Variants in ARHGEF26 observed in about 807,000 individuals in gnomAD.
ARHGEF26 encodes Rho guanine nucleotide exchange factor (GEF) 26.
ARHGEF26 carries 59 observed loss-of-function variants against 89.4 expected under a neutral mutation model. That is an observed-to-expected ratio of 0.66 (90% CI 0.54 to 0.82). ARHGEF26 has a LOEUF of 0.82. Ranked by LOEUF, ARHGEF26 falls within the 40% of genes least tolerant of loss-of-function variation. The pLI is 0.00. For missense variants in ARHGEF26, 1,234 were observed against 1,085.6 expected (o/e 1.14, Z -1.92); for synonymous variants, 500 against 428.4 (o/e 1.17, Z -2.06).
chr3:154,200,986 G>A (rs1714590355), intron 9 of ARHGEF26, among the ~76,000 whole-genome samples: 1 of 141,618 alleles, frequency 7.1e-6, no homozygotes, highest in Non-Finnish European at 1.5e-5. Flanking sequence ...TTTTTATTTT[G>A]TGGAGATCAA....
intron 3 of ARHGEF26, among the ~76,000 whole-genome samples, chr3:154,129,345 G>C (rs948159236): frequency 6.6e-6 from 1 of 152,202 alleles, no homozygotes; most frequent in Non-Finnish European, 1.5e-5. Flanking sequence ...AACTGCTTCT[G>C]TTGGCATTCT....
intron 6 of ARHGEF26, among the ~76,000 whole-genome samples, chr3:154,167,081 T>C (rs1358276653): frequency 6.6e-6 from 1 of 152,238 alleles, no homozygotes; most frequent in Non-Finnish European, 1.5e-5. Context: ...GTTTTCTTTA[T>C]GTAGTTTCTT....
At chr3:154,150,211 A>T (rs1042828198) in intron 5 of ARHGEF26, among the ~76,000 whole-genome samples, 2 of 149,300 alleles carry the variant, frequency 1.3e-5, no homozygotes, top group Non-Finnish European at 1.5e-5. Context: ...TTTCAAGTTT[A>T]AAAAAAATAA....
At position 154,122,249 on chromosome 3, in the gene ARHGEF26, C is replaced by T. The variant is rs760331148; in HGVS notation, c.257C>T (p.Ala86Val). The change falls in exon 2 of 15, where the codon GCC becomes GTC. Residue 86 changes from alanine to valine, a missense_variant. Ala to Val is a moderately conservative substitution (Grantham distance 64, BLOSUM62 0). Transcript: ENST00000465093. ...TVHRSPLLLG[A>V]QRRAVANGGT... ...CATAGGAGCCCCCTGCTTCTGGGCGCCCAGCGGAGAGCGGTGGCCAATGGT... is the reference window on the plus strand; with the variant it reads ...CATAGGAGCCCCCTGCTTCTGGGCGTCCAGCGGAGAGCGGTGGCCAATGGT... 6.2e-7 allele frequency: 1 copy of T among 1,611,528 alleles called. No homozygotes were observed. The highest frequency in any genetic ancestry group is 8.5e-7 in the Non-Finnish European group (1 of 1,179,296).
intron 1 of ARHGEF26, 71 bp from the exon 2 acceptor site, chr3:154,121,871 G>C: frequency 7.3e-7 from 1 of 1,363,314 alleles, no homozygotes; most frequent in Non-Finnish European, 9.8e-7. Flanking sequence ...CCGCCGGTCT[G>C]GGAGCACGCG....
intron 11 of ARHGEF26, among the ~76,000 whole-genome samples, chr3:154,231,250 T>C (rs887816256): frequency 6.6e-6 from 1 of 152,200 alleles, no homozygotes; most frequent in Non-Finnish European, 1.5e-5. Context: ...TCCGCTGTCA[T>C]TTGCAGCCTT....
intron 4 of ARHGEF26, among the ~76,000 whole-genome samples, chr3:154,135,155 T>C (rs185339158): frequency 0.011 from 1,627 of 152,288 alleles, 29 homozygotes; most frequent in Non-Finnish European, 0.011. Flanking sequence ...GTAGGAATGG[T>C]ACCAGTTCTT....
intron 11 of ARHGEF26, among the ~76,000 whole-genome samples, chr3:154,231,725 G>A (rs1295214290): frequency 6.6e-6 from 1 of 152,136 alleles, no homozygotes; most frequent in Non-Finnish European, 1.5e-5. Flanking sequence ...TCTAGGACCA[G>A]ACATGAATTT....
intron 3 of ARHGEF26, among the ~76,000 whole-genome samples, chr3:154,127,642 A>G (rs574271603): frequency 1.9e-4 from 29 of 151,856 alleles, no homozygotes; most frequent in African/African-American, 6.8e-4. Flanking sequence ...GCACTCTAAA[A>G]TAATGATAAA....
intron 12 of ARHGEF26, among the ~76,000 whole-genome samples, chr3:154,248,667 GA>G (rs1405057297): frequency 3.3e-5 from 5 of 152,206 alleles, no homozygotes; most frequent in Admixed American, 1.3e-4. Flanking sequence ...CAGGTTAACT[GA>G]AGGACTCTGG....
chr3:154,156,332 ATC>A (rs1720337037), intron 6 of ARHGEF26, among the ~76,000 whole-genome samples: 1 of 152,082 alleles, frequency 6.6e-6, no homozygotes, highest in Non-Finnish European at 1.5e-5. Flanking sequence ...TAAAAATTTT[ATC>A]TCTGTCATAG....
At chr3:154,221,444 A>C (rs1250630375) in intron 10 of ARHGEF26, among the ~76,000 whole-genome samples, 3 of 152,232 alleles carry the variant, frequency 2.0e-5, no homozygotes, top group Non-Finnish European at 4.4e-5. Flanking sequence ...TACAAATGCA[A>C]GTTACTACAA....
At position 154,256,081 on chromosome 3, in the gene ARHGEF26, A is replaced by G; in HGVS notation, c.*608A>G. The stretch of plus-strand genomic sequence containing the variant: ...GTCACCTTTTTCCTCATTAGAAGGA[A>G]AGTAGAAAGCCTTACTTTAGGATTT... On this transcript the variant is annotated 3_prime_UTR_variant, in exon 15 of 15. Coordinates refer to ENST00000465093, the MANE Select transcript of ARHGEF26 (RefSeq NM_015595.4). 1 of 985,574 alleles carries G rather than the reference A, an allele frequency of 1.0e-6. No homozygotes were observed. The highest frequency in any genetic ancestry group is 1.2e-6 in the Non-Finnish European group (1 of 829,676). The allele number at this position is 985,574 out of a possible 1,614,324, so 61.1% of individuals were successfully genotyped here. A position where few individuals can be genotyped will look rare whatever the true frequency, so the allele number is the denominator to read the frequency against.
chr3:154,157,479 G>C (rs575772147), intron 6 of ARHGEF26, among the ~76,000 whole-genome samples: 1 of 152,142 alleles, frequency 6.6e-6, no homozygotes, highest in East Asian at 1.9e-4. Context: ...TAAAGCCTAT[G>C]TGGAAACATT....
At chr3:154,145,613 G>A (rs950873177) in intron 4 of ARHGEF26, among the ~76,000 whole-genome samples, 5 of 152,126 alleles carry the variant, frequency 3.3e-5, no homozygotes, top group African/African-American at 1.2e-4. Flanking sequence ...CTAGTGGTGG[G>A]CAAAAATAGA....
At chr3:154,186,075 A>G (rs1713507641) in intron 6 of ARHGEF26, among the ~76,000 whole-genome samples, 1 of 151,950 alleles carries the variant, frequency 6.6e-6, no homozygotes, top group South Asian at 2.1e-4. Flanking sequence ...TCCTTGGCAT[A>G]TAATTCAGCT....
At chr3:154,128,379 A>AG (rs937474473) in intron 3 of ARHGEF26, among the ~76,000 whole-genome samples, 1 of 152,056 alleles carries the variant, frequency 6.6e-6, no homozygotes, top group African/African-American at 2.4e-5. Flanking sequence ...CTGGGACCAC[A>AG]GGGGTGCACC....
In ARHGEF26 at chr3:154,255,320, C is replaced by T. The variant is rs115077881; in HGVS notation, c.2474-11C>T. 1,457 of 1,610,068 alleles carry T rather than the reference C, an allele frequency of 9.0e-4. 9 individuals are homozygous for T. In the African/African-American group the frequency reaches 0.017, roughly 19 times the overall value. ...CTTGTTGTTTGGTGTGGACTCTGTT[C>T]TTTTTCACAGGCTGGTATGAGGGGG... On this transcript the variant is annotated splice_polypyrimidine_tract_variant and intron_variant, in intron 14 of 14. Coordinates refer to ENST00000465093, the MANE Select transcript of ARHGEF26 (RefSeq NM_015595.4).
chr3:154,207,928 A>G (rs1298863023), intron 9 of ARHGEF26, among the ~76,000 whole-genome samples: 1 of 152,204 alleles, frequency 6.6e-6, no homozygotes, highest in Non-Finnish European at 1.5e-5. Context: ...AAAGAATGAG[A>G]TCATGTCCTT....
Sources: gnomAD v4.1 joint callset for allele counts (sites outside exome capture counted in the v4.1 genomes callset) on GRCh38, gnomAD v4.1.1 for gene constraint, MANE v1.5 for transcripts, NCBI Gene and HGNC (gene_info 2026-07-23, HGNC 2026-07-21) for gene names.